Variants in BCL11B observed in about 807,000 individuals in gnomAD.
The protein encoded by BCL11B is BCL11 transcription factor B, also known as B-cell lymphoma/leukemia 11B.
BCL11B carries 8 observed loss-of-function variants against 49.9 expected under a neutral mutation model. The ratio of observed to expected loss-of-function variants is 0.16; its 90% confidence interval spans 0.09 to 0.29. The LOEUF is 0.29. BCL11B is among the 10% of genes least tolerant of loss of function. BCL11B has a pLI of 1.00. For missense variants in BCL11B, 1,006 were observed against 1,351.0 expected (o/e 0.74, Z 4.00); for synonymous variants, 739 against 637.4 (o/e 1.16, Z -2.40).
Position 99,231,328 on chromosome 14 carries a change from G to T in BCL11B, c.640+17C>A. 3 of 1,606,600 alleles carry T rather than the reference G, an allele frequency of 1.9e-6. No individual in the cohort carries two copies. The highest frequency in any genetic ancestry group is 2.5e-6 in the Non-Finnish European group (3 of 1,177,396). On this transcript the variant is annotated intron_variant, in intron 3 of 3. Transcript: ENST00000357195. This position sits in a 1 kb window ranked among gnomAD's most constrained non-coding sequence, Gnocchi z 8.1. ...CCATCCCGGGGGCCCGCCCCCCACC[G>T]CGGCGTCGTCTGTTACCTGACAACT...
At position 99,271,220 on chromosome 14, in the gene BCL11B, G is replaced by T. The variant is rs757948404; in HGVS notation, c.-2C>A. On this transcript the variant is annotated 5_prime_UTR_variant, in exon 1 of 4. Transcript: ENST00000357195. Reference sequence around the variant, plus strand: ...GTTGCCCTGTTTGCGGCGGGACATTGCCCCGGCATCTATTCTGGCATCGCC... The same window carrying T: ...GTTGCCCTGTTTGCGGCGGGACATTTCCCCGGCATCTATTCTGGCATCGCC... 1.3e-6 allele frequency: 2 copies of T among 1,526,542 alleles called. No homozygotes were observed. The highest frequency in any genetic ancestry group is 1.2e-5 in the South Asian group (1 of 80,376). 94.6% of individuals were successfully genotyped at this position (1,526,542 alleles called of 1,614,324 possible).
At chr14:99,240,994 C>T (rs1197169468) in intron 2 of BCL11B, among the ~76,000 whole-genome samples, 1 of 151,840 alleles carries the variant, frequency 6.6e-6, no homozygotes, top group Non-Finnish European at 1.5e-5. Context: ...GAAATCATAG[C>T]ACGCTGACTT....
At chr14:99,246,428 CAGAGGCCGGCG>C (rs1472851508) in intron 2 of BCL11B, among the ~76,000 whole-genome samples, 2 of 152,230 alleles carry the variant, frequency 1.3e-5, no homozygotes, top group African/African-American at 4.8e-5. Flanking sequence ...GTGGGCGAAT[CAGAGGCCGGCG>C]GCCAGGCGGG....
intron 3 of BCL11B, among the ~76,000 whole-genome samples, chr14:99,210,125 C>T (rs534934817): frequency 6.6e-6 from 1 of 152,276 alleles, no homozygotes; most frequent in African/African-American, 2.4e-5. Context: ...TTGAAGCATC[C>T]AGGCCAGAGC....
rs770818870 is a variant in BCL11B at position 99,174,313 on chromosome 14, G to T, written c.2523C>A (p.Arg841=). The T allele has an allele frequency of 1.2e-6, 2 of 1,613,330 alleles. No homozygotes were observed. The highest frequency in any genetic ancestry group is 1.3e-5 in the African/African-American group (1 of 74,950). ...CGATCTGCCCGTGCGTCTTCATGTG[G>T]CGCGTGAGCTTGCTGCTCTGCGCGC... is the stretch of plus-strand genomic sequence containing the variant. The part of the protein sequence containing the change: ...YACAQSSKLT[R]HMKTHGQIGK... The change falls in exon 4 of 4, where the codon CGC becomes CGA. Residue 841 remains arginine, a synonymous_variant. Transcript: ENST00000357195.
At position 99,257,853 on chromosome 14, in the gene BCL11B, G is replaced by A; in HGVS notation, c.59-14C>T. On this transcript the variant is annotated splice_polypyrimidine_tract_variant and intron_variant, in intron 1 of 3. Transcript: ENST00000357195. The surrounding 1 kb of genome is among the most constrained non-coding windows in gnomAD (Gnocchi z 6.2). Reference sequence around the variant, plus strand: ...GGTCAGCCTCTGCTGGAGACAGAAAGAAGAAAGGGAAGGGGCAGAGAAGAT... The same window carrying A: ...GGTCAGCCTCTGCTGGAGACAGAAAAAAGAAAGGGAAGGGGCAGAGAAGAT... The A allele has an allele frequency of 3.3e-6, 5 of 1,504,764 alleles. No homozygotes were observed. Among genetic ancestry groups the A allele is most frequent in the African/African-American group, 1.4e-5 (1 of 71,720 alleles). 93.2% of individuals were successfully genotyped at this position (1,504,764 alleles called of 1,614,324 possible).
intron 2 of BCL11B, among the ~76,000 whole-genome samples, chr14:99,255,803 T>G (rs926128421): frequency 3.3e-5 from 5 of 152,306 alleles, no homozygotes; most frequent in Admixed American, 6.5e-5. Flanking sequence ...GAGACGCTGC[T>G]CAGGTGCACA....
Position 99,231,224 on chromosome 14 carries a change from C to T in BCL11B, c.640+121G>A. On this transcript the variant is annotated intron_variant, in intron 3 of 3. Transcript: ENST00000357195. This position sits in a 1 kb window ranked among gnomAD's most constrained non-coding sequence, Gnocchi z 8.1. ...ATTCTTTACCACTTCCCCTGGCACCCCAAAAAGCCTTCTGGGTGGGAGCTG... is the reference window on the plus strand; with the variant it reads ...ATTCTTTACCACTTCCCCTGGCACCTCAAAAAGCCTTCTGGGTGGGAGCTG... The T allele has an allele frequency of 8.9e-7, 1 of 1,128,144 alleles. No individual in the cohort carries two copies. The allele number at this position is 1,128,144 out of a possible 1,614,324, so 69.9% of individuals were successfully genotyped here. A position where few individuals can be genotyped will look rare whatever the true frequency, so the allele number is the denominator to read the frequency against.
rs1355969140 is a variant in BCL11B, at chr14:99,271,291, C to G, written c.-73G>C. The G allele has an allele frequency of 1.7e-5, 17 of 1,029,704 alleles. No individual in the cohort carries two copies. The highest frequency in any genetic ancestry group is 2.1e-5 in the Non-Finnish European group (17 of 809,334). The allele number at this position is 1,029,704 out of a possible 1,614,324, so 63.8% of individuals were successfully genotyped here. On this transcript the variant is annotated 5_prime_UTR_variant, in exon 1 of 4. Coordinates refer to ENST00000357195, the MANE Select transcript of BCL11B (RefSeq NM_138576.4). ...GGGAGCCGGGGGAGGGGGTCCGAGC[C>G]GCCGCCGCGCCGCTGCCGCCGCTGC... is the stretch of plus-strand genomic sequence containing the variant.
In BCL11B at chr14:99,174,784, G is replaced by C; in HGVS notation, c.2052C>G (p.Ala684=). ...CCTTCTCCACCTTGATGCGCTTGGC[G>C]GCGCTGTTGAGCCCGGGGCTGGGCA... ...APLPSPGLNS[A]AKRIKVEKDL... is the part of the protein sequence containing the mutation. Residue 684 remains alanine (A), a synonymous_variant, in exon 4 of 4, where the codon GCC becomes GCG. Transcript: ENST00000357195. 1 of 1,459,416 alleles carries C rather than the reference G, an allele frequency of 6.9e-7. No homozygotes were observed. The highest frequency in any genetic ancestry group is 1.4e-5 in the South Asian group (1 of 71,868). The allele number at this position is 1,459,416 out of a possible 1,614,324, so 90.4% of individuals were successfully genotyped here.
chr14:99,170,388 T>C lies in BCL11B; in HGVS notation c.*3763A>G. The C allele has an allele frequency of 4.5e-6, 1 of 223,694 alleles. No homozygotes were observed. 13.9% of individuals were successfully genotyped at this position (223,694 alleles called of 1,614,324 possible). On this transcript the variant is annotated 3_prime_UTR_variant, in exon 4 of 4. Transcript: ENST00000357195. ...ATACTTTCATAACCTGAAATAATGG[T>C]TTCTTACATTTCCTGAAATAAAAAA...
intron 3 of BCL11B, among the ~76,000 whole-genome samples, chr14:99,230,808 C>G (rs1888308751): frequency 6.6e-6 from 1 of 152,054 alleles, no homozygotes; most frequent in Non-Finnish European, 1.5e-5. Flanking sequence ...CAGTGTTTCA[C>G]TCCCTCTCGT....
chr14:99,175,754 A>T lies in BCL11B; in HGVS notation c.1082T>A (p.Met361Lys), dbSNP rs1220707814. The T allele has an allele frequency of 6.8e-7, 1 of 1,465,464 alleles. No homozygotes were observed. The highest frequency in any genetic ancestry group is 8.9e-7 in the Non-Finnish European group (1 of 1,123,384). 90.8% of individuals were successfully genotyped at this position (1,465,464 alleles called of 1,614,324 possible). ...LNPMAIDSPA[M>K]DFSRRLRELA... is the part of the protein sequence containing the mutation. ...CTCGCGGAGCCGCCGCGAGAAGTCC[A>T]TGGCGGGCGAGTCGATGGCCATGGG... Residue 361 changes from methionine to lysine, a missense_variant, in exon 4 of 4, where the codon ATG becomes AAG. Met to Lys is a moderately conservative substitution (Grantham distance 95). Around this residue, in one of 6 missense-constraint regions of BCL11B, gnomAD observed 411 missense variants for 542.2 expected, o/e 0.76. Transcript: ENST00000357195.
intron 3 of BCL11B, among the ~76,000 whole-genome samples, chr14:99,219,836 G>A (rs1226489342): frequency 6.6e-6 from 1 of 151,760 alleles, no homozygotes; most frequent in Non-Finnish European, 1.5e-5. Flanking sequence ...GCTGTCCTGG[G>A]AGACAGAACT....
chr14:99,195,457 A>G lies in BCL11B; in HGVS notation c.641-19262T>C, dbSNP rs941020848. Among the ~76,000 whole-genome samples, 2 of 152,020 alleles carry G rather than the reference A, an allele frequency of 1.3e-5. No individual in the cohort carries two copies. The highest frequency in any genetic ancestry group is 2.9e-5 in the Non-Finnish European group (2 of 67,996). On this transcript the variant is annotated intron_variant, in intron 3 of 3. Coordinates refer to ENST00000357195, the MANE Select transcript of BCL11B (RefSeq NM_138576.4). The surrounding 1 kb of genome is among the most constrained non-coding windows in gnomAD (Gnocchi z 4.7). ...CCTTGCCCACCCCACCACACACCAC[A>G]GTCCCCCAAGCCAGGATACTGCACT...
rs559321259 is a variant in BCL11B, at chr14:99,205,174, C to T, written c.640+26171G>A. Among the ~76,000 whole-genome samples the T allele has an allele frequency of 1.3e-5, 2 of 152,186 alleles. No individual in the cohort carries two copies. The highest frequency in any genetic ancestry group is 4.2e-4 in the South Asian group (2 of 4,812). Reference sequence around the variant, plus strand: ...AGAGGGAATTAAAAAAAAAACAGGCCCTTGAACGAACCGAGGGCCCTCCTG... The same window carrying T: ...AGAGGGAATTAAAAAAAAAACAGGCTCTTGAACGAACCGAGGGCCCTCCTG... On this transcript the variant is annotated intron_variant, in intron 3 of 3. Coordinates refer to ENST00000357195, the MANE Select transcript of BCL11B (RefSeq NM_138576.4). This position sits in a 1 kb window ranked among gnomAD's most constrained non-coding sequence, Gnocchi z 5.0.
chr14:99,232,189 C>T lies in BCL11B; in HGVS notation c.428-632G>A, dbSNP rs1243407346. Among the ~76,000 whole-genome samples the T allele has an allele frequency of 6.6e-6, 1 of 152,144 alleles. No homozygotes were observed. Among genetic ancestry groups the T allele is most frequent in the African/African-American group, 2.4e-5 (1 of 41,448 alleles). The stretch of plus-strand genomic sequence containing the variant: ...GCCCTTCAGAAGGCTTTCACACCCC[C>T]CTACCACACCCCAAGAAAACCCTGG... On this transcript the variant is annotated intron_variant, in intron 2 of 3. Transcript: ENST00000357195. The surrounding 1 kb of genome is among the most constrained non-coding windows in gnomAD (Gnocchi z 5.1).
intron 2 of BCL11B, among the ~76,000 whole-genome samples, chr14:99,245,681 C>G (rs1888805442): frequency 0.053 from 2 of 38 alleles, no homozygotes; most frequent in African/African-American, 0.25. Context: ...ACCCGACCGG[C>G]GCGCACGGTT....
In BCL11B at chr14:99,172,560, T is replaced by C. The variant is rs1886325373; in HGVS notation, c.*1591A>G. ...AAGATCAGTTTTCAAGGCACTCACA[T>C]CAAATTGAATGGCAGTAGAAAAACT... On this transcript the variant is annotated 3_prime_UTR_variant, in exon 4 of 4. Coordinates refer to ENST00000357195, the MANE Select transcript of BCL11B (RefSeq NM_138576.4). 4.8e-6 allele frequency: 1 copy of C among 208,310 alleles called. No individual in the cohort carries two copies. Among genetic ancestry groups the C allele is most frequent in the Non-Finnish European group, 9.8e-6 (1 of 102,194 alleles). 12.9% of individuals were successfully genotyped at this position (208,310 alleles called of 1,614,324 possible).
Sources: allele counts gnomAD v4.1 joint callset (sites outside exome capture counted in the v4.1 genomes callset), GRCh38; gene constraint gnomAD v4.1.1; regional missense constraint gnomAD v4.1.1; non-coding constraint Gnocchi (gnomAD v3.1); transcripts MANE v1.5; gene names NCBI Gene and HGNC (gene_info 2026-07-23, HGNC 2026-07-21).